FLOT2: variants seen among roughly 807,000 people sequenced by gnomAD.
The protein encoded by FLOT2 is flotillin-2.
In FLOT2, 35 loss-of-function variants were observed where a neutral mutation model predicts 54.9. The ratio of observed to expected loss-of-function variants is 0.64; its 90% confidence interval spans 0.49 to 0.84. FLOT2 has a LOEUF of 0.84. Among genes scored for constraint, FLOT2 ranks in the 40% least tolerant of loss-of-function variants. The pLI, the probability that FLOT2 is intolerant of heterozygous loss-of-function variation, is 0.00. For synonymous variants in FLOT2, 207 were observed against 228.9 expected, an observed-to-expected ratio of 0.90 and a Z score of 0.86; for missense variants, 464 against 572.1, an observed-to-expected ratio of 0.81 and a Z score of 1.93.
At chr17:28,886,283 C>T (rs973280704) in intron 2 of FLOT2, among the ~76,000 whole-genome samples, 3 of 152,248 alleles carry the variant, frequency 2.0e-5, no homozygotes, top group Admixed American at 6.5e-5. Context: ...GGTTGCCCGC[C>T]ACCTCACTTT....
intron 2 of FLOT2, chr17:28,886,132 C>CGAGG (rs2152647933): frequency 1.6e-6 from 1 of 635,324 alleles, no homozygotes; most frequent in East Asian, 2.7e-5. Context: ...CAGCAGCGAC[C>CGAGG]TCCTGTGCTG....
Position 28,884,444 on chromosome 17 carries a change from G to A in FLOT2, c.132-129C>T, listed in dbSNP as rs2039508662. The A allele has an allele frequency of 1.6e-6, 1 of 617,550 alleles. No homozygotes were observed. Among genetic ancestry groups the A allele is most frequent in the Admixed American group, 2.8e-5 (1 of 35,208 alleles). The allele number at this position is 617,550 out of a possible 1,614,324, so 38.3% of individuals were successfully genotyped here. A position where few individuals can be genotyped will look rare whatever the true frequency, so the allele number is the denominator to read the frequency against. On this transcript the variant is annotated intron_variant, in intron 2 of 10. Coordinates refer to ENST00000394908, the MANE Select transcript of FLOT2 (RefSeq NM_004475.3). This position sits in a 1 kb window ranked among gnomAD's most constrained non-coding sequence, Gnocchi z 5.1. ...AAGGTGGAGGGAGGACTCTCCACGG[G>A]GCTGAGATGGGAGTGTCTGAGAAGG...
chr17:28,889,050 C>T, intron 1 of FLOT2, 24 bp from the exon 2 acceptor site: 2 of 1,607,804 alleles, frequency 1.2e-6, no homozygotes, highest in Non-Finnish European at 1.7e-6. Context: ...CAAACCACCG[C>T]AAGTCAGTCG....
intron 2 of FLOT2, chr17:28,885,550 A>G (rs2039524998): frequency 5.6e-6 from 4 of 716,384 alleles, no homozygotes; most frequent in African/African-American, 1.7e-5. Flanking sequence ...CCCAAGCCCA[A>G]GAATAGATTT....
chr17:28,889,787 G>A (rs2039612923), intron 1 of FLOT2, among the ~76,000 whole-genome samples: 1 of 151,878 alleles, frequency 6.6e-6, no homozygotes, highest in Non-Finnish European at 1.5e-5. Flanking sequence ...TTACAGGCAT[G>A]CATCATCATG....
At chr17:28,895,401 A>G (rs1170480650) in intron 1 of FLOT2, among the ~76,000 whole-genome samples, 2 of 152,040 alleles carry the variant, frequency 1.3e-5, no homozygotes, top group Non-Finnish European at 2.9e-5. Context: ...TGAGATGCTT[A>G]CAAGCGTGCA....
At chr17:28,881,716 G>A in intron 8 of FLOT2, 98 bp downstream of exon 8, 2 of 1,061,644 alleles carry the variant, frequency 1.9e-6, no homozygotes, top group East Asian at 4.8e-5. Flanking sequence ...TGGAGGGGGA[G>A]AAGTGGCTTC....
intron 1 of FLOT2, among the ~76,000 whole-genome samples, chr17:28,894,054 G>A (rs1429575634): frequency 2.0e-5 from 3 of 152,148 alleles, no homozygotes; most frequent in African/African-American, 4.8e-5. Context: ...TCTGCAGCTC[G>A]TCCTGTTACA....
Position 28,882,674 on chromosome 17 carries a change from G to A in FLOT2, c.364C>T (p.Gln122Ter). The change falls in exon 5 of 11, where the codon CAG (glutamine) becomes TAG (stop). Residue 122 changes from glutamine to a stop codon, truncating the protein, a stop_gained. Coordinates refer to ENST00000394908, the MANE Select transcript of FLOT2 (RefSeq NM_004475.3). LOFTEE classifies it high-confidence loss of function. The surrounding 1 kb of genome is among the most constrained non-coding windows in gnomAD (Gnocchi z 5.6). ...RSILGTLTVE[Q>*]IYQDRDQFAK... ...AACTGGTCCCGGTCCTGATAAATCT[G>A]CTCCACTGTCAGGGTCCCTGGGGGC... The A allele has an allele frequency of 6.2e-7, 1 of 1,612,836 alleles. No individual in the cohort carries two copies. The highest frequency in any genetic ancestry group is 8.5e-7 in the Non-Finnish European group (1 of 1,179,244).
Position 28,882,955 on chromosome 17 carries a change from C to A in FLOT2, c.346+153G>T. On this transcript the variant is annotated intron_variant, in intron 4 of 10. Coordinates refer to ENST00000394908, the MANE Select transcript of FLOT2 (RefSeq NM_004475.3). This position sits in a 1 kb window ranked among gnomAD's most constrained non-coding sequence, Gnocchi z 5.6. ...CCCTTCACTCATACCCTCTCCTTAACTCAAGTCACCTGAAGTTTTGAAATT... is the reference window on the plus strand; with the variant it reads ...CCCTTCACTCATACCCTCTCCTTAAATCAAGTCACCTGAAGTTTTGAAATT... 1.2e-6 allele frequency: 1 copy of A among 815,838 alleles called. No homozygotes were observed. The highest frequency in any genetic ancestry group is 1.9e-6 in the Non-Finnish European group (1 of 526,754). 50.5% of individuals were successfully genotyped at this position (815,838 alleles called of 1,614,324 possible).
chr17:28,885,777 C>T, intron 2 of FLOT2: 1 of 891,928 alleles, frequency 1.1e-6, no homozygotes, highest in African/African-American at 1.7e-5. Flanking sequence ...GAGGGGAGTC[C>T]ATCGGCTCCT....
rs1003249925 is a variant in FLOT2, at chr17:28,883,467, T to G, written c.223-236A>C. ...CCCCAGGCCCTGCCACGGCCTCTCCTGGGCATTCGGGGCTTGTCTCCCCAC... is the reference window on the plus strand; with the variant it reads ...CCCCAGGCCCTGCCACGGCCTCTCCGGGGCATTCGGGGCTTGTCTCCCCAC... On this transcript the variant is annotated intron_variant, in intron 3 of 10. Transcript: ENST00000394908. The surrounding 1 kb of genome is among the most constrained non-coding windows in gnomAD (Gnocchi z 5.0). Among the ~76,000 whole-genome samples the G allele has an allele frequency of 6.6e-6, 1 of 152,158 alleles. No homozygotes were observed. Among genetic ancestry groups the G allele is most frequent in the Non-Finnish European group, 1.5e-5 (1 of 68,014 alleles).
At chr17:28,896,701 GA>G (rs954376794) in intron 1 of FLOT2, among the ~76,000 whole-genome samples, 9 of 152,166 alleles carry the variant, frequency 5.9e-5, no homozygotes, top group Admixed American at 3.3e-4. Flanking sequence ...AATCAGCACT[GA>G]TAGTGGGAAG....
At chr17:28,893,540 C>T (rs1288835862) in intron 1 of FLOT2, among the ~76,000 whole-genome samples, 2 of 151,864 alleles carry the variant, frequency 1.3e-5, no homozygotes, top group Admixed American at 1.3e-4. Flanking sequence ...GCCTTCCATA[C>T]ATCGCAATGC....
chr17:28,889,346 T>C (rs1005410814), intron 1 of FLOT2, among the ~76,000 whole-genome samples: 1 of 152,236 alleles, frequency 6.6e-6, no homozygotes. Flanking sequence ...TTTTTTTTTT[T>C]TCAGACAGAA....
At position 28,880,772 on chromosome 17, in the gene FLOT2, G is replaced by C. The variant is rs187973207; in HGVS notation, c.1189C>G (p.Arg397Gly). 3 of 1,614,204 alleles carry C rather than the reference G, an allele frequency of 1.9e-6. No individual in the cohort carries two copies. In the African/African-American group the frequency reaches 4.0e-5, roughly 22 times the overall value. The change falls in exon 10 of 11, where the codon CGA becomes GGA. Residue 397 changes from arginine to glycine, a missense_variant. Coordinates refer to ENST00000394908, the MANE Select transcript of FLOT2 (RefSeq NM_004475.3). ...DNSKVTSEVN[R>G]LLAELPASVH... ...GAGGCAGGCAGCTCGGCCAGCAGTC[G>C]GTTCACTTCTGATGTGACCTTACTG...
chr17:28,894,325 A>G (rs2039704804), intron 1 of FLOT2, among the ~76,000 whole-genome samples: 1 of 152,030 alleles, frequency 6.6e-6, no homozygotes, highest in African/African-American at 2.4e-5. Context: ...TGTCTCTACA[A>G]AAAATTAAAA....
At chr17:28,888,717 AG>A (rs926702374) in intron 2 of FLOT2, among the ~76,000 whole-genome samples, 1 of 152,214 alleles carries the variant, frequency 6.6e-6, no homozygotes, top group East Asian at 1.9e-4. Flanking sequence ...CCCACTAAGG[AG>A]GGGGTGCCCA....
At chr17:28,888,312 A>G (rs1347491663) in intron 2 of FLOT2, among the ~76,000 whole-genome samples, 1 of 152,204 alleles carries the variant, frequency 6.6e-6, no homozygotes, top group Admixed American at 6.5e-5. Flanking sequence ...GTAGAGCTGG[A>G]TGGTGGGCCC....
Sources: allele counts gnomAD v4.1 joint callset (sites outside exome capture counted in the v4.1 genomes callset), GRCh38; gene constraint gnomAD v4.1.1; non-coding constraint Gnocchi (gnomAD v3.1); transcripts MANE v1.5; gene names NCBI Gene and HGNC (gene_info 2026-07-23, HGNC 2026-07-21).